PTPRD: variants seen among roughly 807,000 people sequenced by gnomAD.
PTPRD encodes the protein receptor-type tyrosine-protein phosphatase delta.
PTPRD carries 34 observed loss-of-function variants against 214.5 expected under a neutral mutation model. That is an observed-to-expected ratio of 0.16 (90% CI 0.12 to 0.21). The LOEUF (loss-of-function observed/expected upper bound fraction) is 0.21. Ranked by LOEUF, PTPRD falls within the 10% of genes least tolerant of loss-of-function variation. The probability of loss-of-function intolerance (pLI) is 1.00; values close to 1 mark genes in which losing one functional copy is unlikely to be tolerated. For missense variants in PTPRD, 2,545 were observed against 2,398.7 expected (o/e 1.06, Z -1.27); for synonymous variants, 1,128 against 845.7 (o/e 1.33, Z -5.79).
intron 9 of PTPRD, among the ~76,000 whole-genome samples, chr9:9,244,288 T>G (rs1160100014): frequency 6.6e-6 from 1 of 152,020 alleles, no homozygotes; most frequent in Admixed American, 6.6e-5. Flanking sequence ...AAAAACTACT[T>G]TAAGGTTCAT....
intron 11 of PTPRD, among the ~76,000 whole-genome samples, chr9:8,735,241 T>A (rs559599746): frequency 6.6e-6 from 1 of 151,652 alleles, no homozygotes; most frequent in African/African-American, 2.4e-5. Context: ...CTTCCCAGGT[T>A]CAAGTGGTTC....
At chr9:10,078,392 T>C (rs2098171285) in intron 3 of PTPRD, among the ~76,000 whole-genome samples, 1 of 149,418 alleles carries the variant, frequency 6.7e-6, no homozygotes, top group Non-Finnish European at 1.5e-5. Context: ...GGTGTGCCCC[T>C]ATAATCCCAG....
chr9:10,437,027 A>G (rs2098723048), intron 2 of PTPRD, among the ~76,000 whole-genome samples: 1 of 151,756 alleles, frequency 6.6e-6, no homozygotes, highest in African/African-American at 2.4e-5. Context: ...AGCTGCTGAG[A>G]TAAGTATATA....
At chr9:10,212,064 C>A (rs966701175) in intron 3 of PTPRD, among the ~76,000 whole-genome samples, 1 of 152,036 alleles carries the variant, frequency 6.6e-6, no homozygotes, top group African/African-American at 2.4e-5. Context: ...AGAACAGTAA[C>A]CAGTGGAATG....
At chr9:9,905,524 A>G (rs186635916) in intron 5 of PTPRD, among the ~76,000 whole-genome samples, 11 of 152,106 alleles carry the variant, frequency 7.2e-5, no homozygotes, top group Admixed American at 5.3e-4. Context: ...TCAGATACTT[A>G]TCTTAAAAAG....
chr9:8,653,546 T>A (rs1451304807), intron 12 of PTPRD, among the ~76,000 whole-genome samples: 1 of 152,172 alleles, frequency 6.6e-6, no homozygotes, highest in Non-Finnish European at 1.5e-5. Flanking sequence ...ATCCCCAGTC[T>A]GTTCTGAATG....
intron 10 of PTPRD, among the ~76,000 whole-genome samples, chr9:9,121,111 T>A (rs1175676062): frequency 6.6e-6 from 1 of 152,210 alleles, no homozygotes; most frequent in Admixed American, 6.5e-5. Flanking sequence ...AAAGTCAGGA[T>A]AATTTCTCTT....
At chr9:9,842,361 G>C (rs1162062100) in intron 5 of PTPRD, among the ~76,000 whole-genome samples, 2 of 127,782 alleles carry the variant, frequency 1.6e-5, no homozygotes, top group African/African-American at 6.0e-5. Flanking sequence ...GTATGGTGCT[G>C]TGTAGTAACA....
chr9:9,875,585 A>G (rs1390962106), intron 5 of PTPRD, among the ~76,000 whole-genome samples: 1 of 152,114 alleles, frequency 6.6e-6, no homozygotes, highest in Non-Finnish European at 1.5e-5. Flanking sequence ...AGAATTATTA[A>G]ATTATCTAAT....
intron 12 of PTPRD, among the ~76,000 whole-genome samples, chr9:8,710,754 T>A (rs1475123072): frequency 1.3e-5 from 2 of 152,216 alleles, no homozygotes; most frequent in South Asian, 4.1e-4. Context: ...ATTAGTATAA[T>A]CTAAATACTT....
chr9:9,061,032 A>T (rs1214420020), intron 10 of PTPRD, among the ~76,000 whole-genome samples: 1 of 152,184 alleles, frequency 6.6e-6, no homozygotes, highest in African/African-American at 2.4e-5. Context: ...ATTTCTATAC[A>T]TTTCAAAAGC....
At chr9:9,181,565 T>C (rs1334391963) in intron 10 of PTPRD, among the ~76,000 whole-genome samples, 1 of 152,020 alleles carries the variant, frequency 6.6e-6, no homozygotes, top group African/African-American at 2.4e-5. Flanking sequence ...CTTTCATATA[T>C]GAACTCATTT....
intron 8 of PTPRD, among the ~76,000 whole-genome samples, chr9:9,506,169 C>G (rs1040364318): frequency 2.6e-5 from 4 of 151,336 alleles, no homozygotes; most frequent in Non-Finnish European, 5.9e-5. Context: ...TAGTATTTCA[C>G]CTATAAAGAT....
At chr9:9,581,526 A>G (rs1283688679) in intron 7 of PTPRD, among the ~76,000 whole-genome samples, 1 of 152,138 alleles carries the variant, frequency 6.6e-6, no homozygotes, top group African/African-American at 2.4e-5. Flanking sequence ...CATATTTGGG[A>G]AAAAATGTAG....
intron 3 of PTPRD, among the ~76,000 whole-genome samples, chr9:10,039,470 A>G (rs2097256080): frequency 6.6e-6 from 1 of 152,130 alleles, no homozygotes. Flanking sequence ...TATATACAAT[A>G]GAAGTTGCAA....
intron 11 of PTPRD, among the ~76,000 whole-genome samples, chr9:8,951,975 T>C (rs1232491486): frequency 1.3e-5 from 2 of 152,002 alleles, no homozygotes; most frequent in African/African-American, 2.4e-5. Flanking sequence ...CTCTGCTCAA[T>C]TGATTTCTGA....
intron 2 of PTPRD, among the ~76,000 whole-genome samples, chr9:10,376,372 T>C (rs1334007419): frequency 6.6e-6 from 1 of 151,622 alleles, no homozygotes; most frequent in African/African-American, 2.4e-5. Context: ...AAAGGAAAAA[T>C]TATAGAACAA....
chr9:8,727,925 C>T (rs532171060), intron 12 of PTPRD, among the ~76,000 whole-genome samples: 35 of 152,264 alleles, frequency 2.3e-4, no homozygotes, highest in African/African-American at 8.4e-4. Flanking sequence ...TATGTTTATA[C>T]TCAGTACCAA....
intron 3 of PTPRD, among the ~76,000 whole-genome samples, chr9:10,331,161 T>C (rs577100090): frequency 1.3e-5 from 2 of 151,988 alleles, no homozygotes; most frequent in African/African-American, 2.4e-5. Context: ...AATGCCATAG[T>C]TTGTATCATC....
Sources: allele counts gnomAD v4.1 joint callset (sites outside exome capture counted in the v4.1 genomes callset), GRCh38; gene constraint gnomAD v4.1.1; transcripts MANE v1.5; gene names NCBI Gene and HGNC (gene_info 2026-07-23, HGNC 2026-07-21).